Variants in CNTNAP2 observed in about 807,000 individuals in gnomAD.
CNTNAP2 encodes contactin associated protein 2.
A neutral mutation model predicts 155.2 loss-of-function variants in CNTNAP2; 98 were observed. The observed-to-expected ratio is 0.63, with a 90% confidence interval of 0.54 to 0.75. CNTNAP2 has a LOEUF of 0.75. CNTNAP2 is among the 30% of genes least tolerant of loss of function. The probability of loss-of-function intolerance (pLI) is 0.00; values close to 1 mark genes in which losing one functional copy is unlikely to be tolerated. For synonymous variants in CNTNAP2, 651 were observed against 631.2 expected (o/e 1.03, Z -0.47); for missense variants, 1,727 against 1,688.1 (o/e 1.02, Z -0.40).
chr7:147,181,425 T>TA (rs1802453931), intron 8 of CNTNAP2, among the ~76,000 whole-genome samples: 1 of 152,216 alleles, frequency 6.6e-6, no homozygotes, highest in South Asian at 2.1e-4. Flanking sequence ...CAAAATTACT[T>TA]AAAATCTTTG....
At position 147,709,730 on chromosome 7, in the gene CNTNAP2, T is replaced by C. The variant is rs57073393; in HGVS notation, c.2098+70424T>C. ...AACCTGTCTAGGTACTGAGAACTCTTTCTACTTGATGTCTGATTGCCATCT... is the reference window on the plus strand; with the variant it reads ...AACCTGTCTAGGTACTGAGAACTCTCTCTACTTGATGTCTGATTGCCATCT... On this transcript the variant is annotated intron_variant, in intron 13 of 23. Coordinates refer to ENST00000361727, the MANE Select transcript of CNTNAP2 (RefSeq NM_014141.6). Among the ~76,000 whole-genome samples, 471 of 152,278 alleles carry C rather than the reference T, an allele frequency of 3.1e-3. 24 individuals are homozygous for C. The East Asian group carries it at 0.074, about 24-fold the overall frequency.
chr7:146,122,994 A>T lies in CNTNAP2; in HGVS notation c.97+6021A>T, dbSNP rs999419161. ...TAAGTTTTGAAAAATATCTTCTTAA[A>T]CTCTTCTTTAGTTCACTTTGGAGGT... On this transcript the variant is annotated intron_variant, in intron 1 of 23. Transcript: ENST00000361727. 2.0e-5 allele frequency among the ~76,000 whole-genome samples: 3 copies of T among 152,184 alleles called. No individual in the cohort carries two copies. The South Asian group carries it at 6.2e-4, about 32-fold the overall frequency.
intron 1 of CNTNAP2, among the ~76,000 whole-genome samples, chr7:146,752,208 T>C (rs958461452): frequency 6.6e-6 from 1 of 152,158 alleles, no homozygotes; most frequent in Non-Finnish European, 1.5e-5. Context: ...CACACTGTCT[T>C]CCACAGTGAT....
At chr7:147,066,699 A>G (rs949602910) in intron 4 of CNTNAP2, among the ~76,000 whole-genome samples, 9 of 152,188 alleles carry the variant, frequency 5.9e-5, no homozygotes, top group Admixed American at 5.9e-4. Context: ...GGCATCAGTA[A>G]TTAAACAGGT....
rs370487767 is a variant in CNTNAP2, at chr7:146,309,829, A to AAAGG, written c.97+192879_97+192882dup. Reference sequence around the variant, plus strand: ...AAACAAAAAAAAGAAAGAAGAAAGGAAAGGAAGGAAGGAAGGAAGGAAGGA... The same window carrying AAAGG: ...AAACAAAAAAAAGAAAGAAGAAAGGAAAGGAAGGAAGGAAGGAAGGAAGGAAGGA... On this transcript the variant is annotated intron_variant, in intron 1 of 23. Coordinates refer to ENST00000361727, the MANE Select transcript of CNTNAP2 (RefSeq NM_014141.6). Among the ~76,000 whole-genome samples the AAAGG allele has an allele frequency of 6.0e-3, 895 of 148,924 alleles. 10 individuals carry two copies. The highest frequency in any genetic ancestry group is 0.01 in the African/African-American group (408 of 39,208).
chr7:147,765,925 A>G (rs1209675760), intron 13 of CNTNAP2, among the ~76,000 whole-genome samples: 1 of 152,230 alleles, frequency 6.6e-6, no homozygotes, highest in Non-Finnish European at 1.5e-5. Flanking sequence ...CATTGGTTAC[A>G]ATATGGATGA....
chr7:148,371,276 A>G (rs1798882738), intron 21 of CNTNAP2, among the ~76,000 whole-genome samples: 1 of 152,208 alleles, frequency 6.6e-6, no homozygotes, highest in African/African-American at 2.4e-5. Flanking sequence ...GGCTACGTGC[A>G]GTTACCAGGT....
At chr7:146,269,293 T>TG (rs1421584065) in intron 1 of CNTNAP2, among the ~76,000 whole-genome samples, 2 of 152,124 alleles carry the variant, frequency 1.3e-5, no homozygotes, top group African/African-American at 4.8e-5. Context: ...TGAGCTGAGA[T>TG]GGCGCCACTG....
At chr7:146,805,144 T>G (rs921363158) in intron 2 of CNTNAP2, among the ~76,000 whole-genome samples, 1 of 152,056 alleles carries the variant, frequency 6.6e-6, no homozygotes, top group Non-Finnish European at 1.5e-5. Context: ...TTTGGGGTCT[T>G]AAGGAGAGGA....
At chr7:146,764,816 T>C (rs1802166709) in intron 1 of CNTNAP2, among the ~76,000 whole-genome samples, 1 of 152,032 alleles carries the variant, frequency 6.6e-6, no homozygotes, top group Admixed American at 6.6e-5. Flanking sequence ...CAAACCAAAA[T>C]AGAAAATGAA....
intron 1 of CNTNAP2, among the ~76,000 whole-genome samples, chr7:146,608,520 TG>T (rs1293775536): frequency 2.6e-5 from 4 of 152,190 alleles, no homozygotes; most frequent in African/African-American, 9.6e-5. Flanking sequence ...CAAATTCCTT[TG>T]TATAAAGTAC....
chr7:146,517,218 A>G (rs1174291470), intron 1 of CNTNAP2, among the ~76,000 whole-genome samples: 1 of 151,934 alleles, frequency 6.6e-6, no homozygotes, highest in Non-Finnish European at 1.5e-5. Context: ...GGAACGTAGT[A>G]TATATAGGGT....
At chr7:146,597,063 G>C (rs1211190854) in intron 1 of CNTNAP2, among the ~76,000 whole-genome samples, 1 of 152,044 alleles carries the variant, frequency 6.6e-6, no homozygotes, top group African/African-American at 2.4e-5. Context: ...CATCCCTTTA[G>C]AGGAAGATGA....
chr7:148,380,537 G>C (rs1332118126), intron 21 of CNTNAP2, among the ~76,000 whole-genome samples: 2 of 152,038 alleles, frequency 1.3e-5, no homozygotes, highest in African/African-American at 4.8e-5. Flanking sequence ...CGTTTCTATG[G>C]GGTCCCTGAC....
intron 8 of CNTNAP2, among the ~76,000 whole-genome samples, chr7:147,139,257 A>G (rs913490807): frequency 1.3e-5 from 2 of 152,124 alleles, no homozygotes; most frequent in Non-Finnish European, 2.9e-5. Context: ...GTAAGGGCTG[A>G]CACTTCATGT....
chr7:147,364,326 A>G (rs1446724939), intron 9 of CNTNAP2, among the ~76,000 whole-genome samples: 1 of 152,222 alleles, frequency 6.6e-6, no homozygotes, highest in African/African-American at 2.4e-5. Context: ...CACTTAGAAA[A>G]TTATATGTGT....
intron 17 of CNTNAP2, among the ~76,000 whole-genome samples, chr7:148,170,533 C>A (rs554003850): frequency 6.6e-6 from 1 of 152,328 alleles, no homozygotes; most frequent in South Asian, 2.1e-4. Flanking sequence ...TTAATAACTT[C>A]TTTTGCCATC....
chr7:147,132,571 G>T lies in CNTNAP2; in HGVS notation c.1348+62G>T, dbSNP rs1021975064. On this transcript the variant is annotated intron_variant, in intron 8 of 23. Coordinates refer to ENST00000361727, the MANE Select transcript of CNTNAP2 (RefSeq NM_014141.6). ...TATTGCAATTTCCAGAGTTAATGTT[G>T]TGCTTTGTTTGGTTTTGCTGGTGTT... The T allele has an allele frequency of 2.5e-6, 4 of 1,606,230 alleles. No individual in the cohort carries two copies. The African/African-American group carries it at 4.0e-5, about 16-fold the overall frequency.
intron 1 of CNTNAP2, among the ~76,000 whole-genome samples, chr7:146,398,751 C>T (rs980052684): frequency 1.3e-5 from 2 of 151,968 alleles, no homozygotes; most frequent in African/African-American, 4.8e-5. Context: ...GAAAAGTCAA[C>T]CCTGCTTACT....
Sources: allele counts gnomAD v4.1 joint callset (sites outside exome capture counted in the v4.1 genomes callset), GRCh38; gene constraint gnomAD v4.1.1; transcripts MANE v1.5; gene names NCBI Gene and HGNC (gene_info 2026-07-23, HGNC 2026-07-21).